The following SPAG16 variants were observed in gnomAD, a reference collection of about 807,000 sequenced individuals.
SPAG16 encodes the protein sperm-associated antigen 16 protein.
In SPAG16, 86 loss-of-function variants were observed where a neutral mutation model predicts 80.4. The observed-to-expected ratio is 1.07, with a 90% CI of 0.90 to 1.28. The LOEUF (loss-of-function observed/expected upper bound fraction) is 1.28. SPAG16 is among the 50% of genes most tolerant of loss of function. The pLI is 0.00. For synonymous variants in SPAG16, 294 were observed against 265.9 expected, an observed-to-expected ratio of 1.11 and a Z score of -1.03; for missense variants, 870 against 765.3, an observed-to-expected ratio of 1.14 and a Z score of -1.61.
intron 7 of SPAG16, among the ~76,000 whole-genome samples, chr2:213,360,156 C>G (rs2065896451): frequency 6.6e-6 from 1 of 152,262 alleles, no homozygotes; most frequent in Middle Eastern, 3.4e-3. Flanking sequence ...ATGGACAATG[C>G]TAATACTGAA....
At chr2:214,073,922 T>C (rs753008782) in intron 13 of SPAG16, among the ~76,000 whole-genome samples, 2 of 152,200 alleles carry the variant, frequency 1.3e-5, no homozygotes, top group Admixed American at 1.3e-4. Flanking sequence ...CAACAGAAGT[T>C]ACACTGTAAT....
chr2:213,340,078 C>A (rs2064597288), intron 5 of SPAG16, 85 bp from the exon 6 acceptor site: 3 of 795,242 alleles, frequency 3.8e-6, no homozygotes, highest in Admixed American at 2.6e-5. Context: ...TTTTGAATGG[C>A]ACAATACTGG....
At chr2:213,983,722 A>G (rs913105688) in intron 12 of SPAG16, among the ~76,000 whole-genome samples, 1 of 152,032 alleles carries the variant, frequency 6.6e-6, no homozygotes, top group African/African-American at 2.4e-5. Context: ...GTGTTCATTT[A>G]GCTTGCTTGT....
rs564735868 is a variant in SPAG16, at chr2:214,357,722, C to A, written c.1721-52418C>A. Among the ~76,000 whole-genome samples the A allele has an allele frequency of 6.6e-5, 10 of 151,846 alleles. No individual in the cohort carries two copies. In the East Asian group the frequency reaches 1.9e-3, roughly 29 times the overall value. On this transcript the variant is annotated intron_variant, in intron 15 of 15. Transcript: ENST00000331683. ...TTGCAGTCCATTATTTTTTATAACT[C>A]TCCTTCATGTGGCTTGTTACCTTAT...
intron 10 of SPAG16, among the ~76,000 whole-genome samples, chr2:213,799,146 A>G (rs2071224355): frequency 6.6e-6 from 1 of 152,210 alleles, no homozygotes; most frequent in Non-Finnish European, 1.5e-5. Flanking sequence ...CATTGAATCT[A>G]TAGACCAATT....
At position 213,631,122 on chromosome 2, in the gene SPAG16, T is replaced by C. The variant is rs147890244; in HGVS notation, c.1070+141032T>C. Among the ~76,000 whole-genome samples, 577 of 152,264 alleles carry C rather than the reference T, an allele frequency of 3.8e-3. 3 individuals are homozygous for C. The highest frequency in any genetic ancestry group is 0.013 in the African/African-American group (531 of 41,536). The stretch of plus-strand genomic sequence containing the variant: ...GGCCCAAAGTAGAACAAATTTGGCA[T>C]GACTTGTTTCTGAATCAGAAACTTA... On this transcript the variant is annotated intron_variant, in intron 10 of 15. Coordinates refer to ENST00000331683, the MANE Select transcript of SPAG16 (RefSeq NM_024532.5).
chr2:213,788,634 C>G (rs533898394), intron 10 of SPAG16, among the ~76,000 whole-genome samples: 17 of 151,886 alleles, frequency 1.1e-4, no homozygotes, highest in Middle Eastern at 3.2e-3. Context: ...GCCTGATATG[C>G]TAAATTTCAC....
intron 10 of SPAG16, among the ~76,000 whole-genome samples, chr2:213,802,268 C>G (rs945474936): frequency 2.6e-5 from 4 of 152,154 alleles, no homozygotes; most frequent in African/African-American, 7.2e-5. Context: ...AGATGGCAAT[C>G]TGGCCAAAGA....
chr2:213,939,600 A>T (rs1339803906), intron 12 of SPAG16, among the ~76,000 whole-genome samples: 1 of 152,146 alleles, frequency 6.6e-6, no homozygotes, highest in Non-Finnish European at 1.5e-5. Context: ...TTGCATTAGG[A>T]TTCTTTTCAG....
At chr2:213,418,908 A>G (rs764081603) in intron 9 of SPAG16, among the ~76,000 whole-genome samples, 1 of 152,210 alleles carries the variant, frequency 6.6e-6, no homozygotes, top group South Asian at 2.1e-4. Flanking sequence ...ACCATCAACT[A>G]TACAAATTAC....
chr2:213,371,346 C>T (rs1408093926), intron 8 of SPAG16, among the ~76,000 whole-genome samples: 3 of 134,916 alleles, frequency 2.2e-5, no homozygotes, highest in Non-Finnish European at 3.1e-5. Context: ...TGCAGTGAGC[C>T]GAGATCGCAC....
At chr2:213,841,660 T>C (rs754490825) in intron 10 of SPAG16, among the ~76,000 whole-genome samples, 21 of 152,166 alleles carry the variant, frequency 1.4e-4, no homozygotes, top group Non-Finnish European at 2.5e-4. Context: ...AATTAGCACC[T>C]TTGATAATTA....
intron 11 of SPAG16, among the ~76,000 whole-genome samples, chr2:213,868,872 A>G (rs1027699765): frequency 2.6e-5 from 4 of 152,190 alleles, no homozygotes; most frequent in African/African-American, 9.7e-5. Context: ...TTCACTGTAC[A>G]GGCTACCTAT....
intron 9 of SPAG16, among the ~76,000 whole-genome samples, chr2:213,399,994 T>C (rs2068232262): frequency 6.6e-6 from 1 of 152,052 alleles, no homozygotes; most frequent in South Asian, 2.1e-4. Flanking sequence ...TTCTCTTTAA[T>C]TTGTGAATTC....
Position 213,923,245 on chromosome 2 carries a change from T to C in SPAG16, c.1215-6715T>C, listed in dbSNP as rs374179681. Among the ~76,000 whole-genome samples the C allele has an allele frequency of 5.3e-5, 8 of 152,056 alleles. No homozygotes were observed. In the South Asian group the frequency reaches 1.0e-3, roughly 20 times the overall value. On this transcript the variant is annotated intron_variant, in intron 11 of 15. Transcript: ENST00000331683. ...TGGGAGCTTCCTAGGACAATAGGAG[T>C]CTACCCACTGGTTGAGTTCCCACAG...
chr2:213,775,490 A>C (rs1173683935), intron 10 of SPAG16, among the ~76,000 whole-genome samples: 1 of 152,174 alleles, frequency 6.6e-6, no homozygotes, highest in Non-Finnish European at 1.5e-5. Context: ...TTAACATAAG[A>C]TCTATCTACC....
intron 14 of SPAG16, among the ~76,000 whole-genome samples, chr2:214,124,115 A>C (rs1190120328): frequency 6.6e-6 from 1 of 152,090 alleles, no homozygotes; most frequent in Non-Finnish European, 1.5e-5. Flanking sequence ...AGGGATATTT[A>C]AGAGGACATA....
Position 213,350,557 on chromosome 2 carries a change from C to CGACT in SPAG16, c.675_678dup (p.Ile227AspfsTer7), listed in dbSNP as rs765740186. Reference sequence around the variant, plus strand: ...AAGTTACATTATGCATCTTATGAACCGACTATAAGGGTGTTACATGAGAAA... The same window carrying CGACT: ...AAGTTACATTATGCATCTTATGAACCGACTGACTATAAGGGTGTTACATGAGAAA... On this transcript the variant is annotated frameshift_variant, in exon 7 of 16. Transcript: ENST00000331683. LOFTEE classifies it high-confidence loss of function. 6.3e-7 allele frequency: 1 copy of CGACT among 1,575,412 alleles called. No homozygotes were observed. Among genetic ancestry groups the CGACT allele is most frequent in the South Asian group, 1.2e-5 (1 of 83,264 alleles).
In SPAG16 at chr2:214,145,072, G is replaced by A. The variant is rs1053577742; in HGVS notation, c.1594-4068G>A. Reference sequence around the variant, plus strand: ...AAAATTATACAATGCCATAAGATATGTTTATATTAAGGAATACTATTGGTT... The same window carrying A: ...AAAATTATACAATGCCATAAGATATATTTATATTAAGGAATACTATTGGTT... On this transcript the variant is annotated intron_variant, in intron 14 of 15. Coordinates refer to ENST00000331683, the MANE Select transcript of SPAG16 (RefSeq NM_024532.5). 1.3e-5 allele frequency among the ~76,000 whole-genome samples: 2 copies of A among 152,028 alleles called. 1 individual carries two copies. The highest frequency in any genetic ancestry group is 6.8e-3 in the Middle Eastern group (2 of 294).
Sources: allele counts gnomAD v4.1 joint callset (sites outside exome capture counted in the v4.1 genomes callset), GRCh38; gene constraint gnomAD v4.1.1; transcripts MANE v1.5; gene names NCBI Gene and HGNC (gene_info 2026-07-23, HGNC 2026-07-21).